Variants in FXYD5 observed in about 807,000 individuals in gnomAD.
The protein encoded by FXYD5 is FXYD domain-containing ion transport regulator 5.
Under a neutral mutation model 25.7 loss-of-function variants are expected in FXYD5, and 21 were observed. The observed-to-expected ratio is 0.82, with a 90% CI of 0.58 to 1.18. The LOEUF (loss-of-function observed/expected upper bound fraction) is 1.18. FXYD5 is among the 50% of genes most tolerant of loss of function. The pLI, the probability that FXYD5 is intolerant of heterozygous loss-of-function variation, is 0.00. For missense variants in FXYD5, 229 were observed against 227.7 expected (o/e 1.01, Z -0.04); for synonymous variants, 101 against 90.7 (o/e 1.11, Z -0.64).
intron 4 of FXYD5, chr19:35,159,795 T>A: frequency 1.1e-6 from 1 of 924,464 alleles, no homozygotes; most frequent in Non-Finnish European, 1.6e-6. Flanking sequence ...TGGTTCAAGG[T>A]CTCACAACAA....
At position 35,160,765 on chromosome 19, in the gene FXYD5, G is replaced by C. The variant is rs776790289; in HGVS notation, c.256G>C (p.Val86Leu). ...ACTGGAAGGAACGGATGGGCCTCTA[G>C]TGACAGATCCAGAGACACACAAGAG... The part of the protein sequence containing the change: ...QQLEGTDGPL[V>L]TDPETHKSTK... Residue 86 changes from valine (V) to leucine (L), a missense_variant, in exon 5 of 9, where the codon GTG becomes CTG. By Grantham distance (32) the Val-to-Leu change is conservative (BLOSUM62 1). Coordinates refer to ENST00000392219, the MANE Select transcript of FXYD5 (RefSeq NM_014164.6). 7 of 1,613,626 alleles carry C rather than the reference G, an allele frequency of 4.3e-6. No homozygotes were observed. Among genetic ancestry groups the C allele is most frequent in the South Asian group, 1.1e-5 (1 of 91,082 alleles).
intron 4 of FXYD5, chr19:35,159,565 G>A (rs774509846): frequency 1.9e-6 from 3 of 1,550,446 alleles, no homozygotes; most frequent in African/African-American, 2.7e-5. Context: ...TGAACATGTT[G>A]GCTGTTTCCA....
chr19:35,164,724 C>T (rs1182894224), intron 6 of FXYD5, among the ~76,000 whole-genome samples: 1 of 152,160 alleles, frequency 6.6e-6, no homozygotes, highest in African/African-American at 2.4e-5. Flanking sequence ...CCCATTCATC[C>T]ATTCATTCAA....
intron 1 of FXYD5, 52 bp from the exon 2 acceptor site, chr19:35,155,499 A>G (rs946317110): frequency 1.4e-6 from 2 of 1,444,172 alleles, no homozygotes; most frequent in Non-Finnish European, 1.9e-6. Flanking sequence ...GGGCTGCCGG[A>G]GGTCGGTCTC....
intron 5 of FXYD5, among the ~76,000 whole-genome samples, chr19:35,162,761 A>G (rs1041878812): frequency 2.0e-5 from 3 of 152,242 alleles, no homozygotes; most frequent in African/African-American, 4.8e-5. Context: ...TGGGATTTCA[A>G]AGGTCTCAGG....
chr19:35,155,999 A>C (rs976523836), intron 2 of FXYD5, among the ~76,000 whole-genome samples: 1 of 152,248 alleles, frequency 6.6e-6, no homozygotes. Flanking sequence ...GGGTTAGTCC[A>C]AAGAGTTGGC....
At position 35,164,241 on chromosome 19, in the gene FXYD5, A is replaced by T; in HGVS notation, c.378A>T (p.Pro126=). The T allele has an allele frequency of 6.2e-7, 1 of 1,610,844 alleles. No homozygotes were observed. The highest frequency in any genetic ancestry group is 8.5e-7 in the Non-Finnish European group (1 of 1,178,648). Residue 126 remains proline, a synonymous_variant, in exon 6 of 9, where the codon CCA becomes CCT. Transcript: ENST00000392219. Reference sequence around the variant, plus strand: ...AGACAGACCCCCAGACCCTCAAGCCATCTGGTTAGTAACTGCCTCCCCAGA... The same window carrying T: ...AGACAGACCCCCAGACCCTCAAGCCTTCTGGTTAGTAACTGCCTCCCCAGA... ...DVQTDPQTLK[P]SGFHEDDPFF...
At chr19:35,156,305 A>C (rs1293093533) in intron 2 of FXYD5, among the ~76,000 whole-genome samples, 1 of 152,228 alleles carries the variant, frequency 6.6e-6, no homozygotes, top group Non-Finnish European at 1.5e-5. Flanking sequence ...TCTCCTTCAT[A>C]AAATGATTTT....
At chr19:35,163,813 G>A (rs989901898) in intron 5 of FXYD5, among the ~76,000 whole-genome samples, 5 of 152,128 alleles carry the variant, frequency 3.3e-5, no homozygotes, top group Non-Finnish European at 7.4e-5. Flanking sequence ...AGTTTCTCCA[G>A]ACTATGTAGC....
chr19:35,162,266 T>G (rs1479398662), intron 5 of FXYD5, among the ~76,000 whole-genome samples: 3 of 152,206 alleles, frequency 2.0e-5, no homozygotes, highest in East Asian at 1.9e-4. Flanking sequence ...CTCTTCCTCC[T>G]CTATCTTTGC....
At chr19:35,167,001 C>T (rs2065456692) in intron 8 of FXYD5, among the ~76,000 whole-genome samples, 1 of 152,156 alleles carries the variant, frequency 6.6e-6, no homozygotes, top group Admixed American at 6.6e-5. Context: ...GATTAAATGC[C>T]TCATGGAACA....
chr19:35,155,278 C>A (rs1033806603), intron 1 of FXYD5: 1 of 540,124 alleles, frequency 1.9e-6, no homozygotes. Context: ...TTCAGGAGTG[C>A]CCGCCGGCCC....
chr19:35,159,630 G>A, intron 4 of FXYD5: 1 of 1,549,782 alleles, frequency 6.5e-7, no homozygotes, highest in African/African-American at 1.4e-5. Context: ...CTTCCTCCTT[G>A]AGCAAACGCA....
chr19:35,162,481 G>A (rs138632883), intron 5 of FXYD5, among the ~76,000 whole-genome samples: 7 of 152,268 alleles, frequency 4.6e-5, no homozygotes, highest in South Asian at 2.1e-4. Context: ...GGTGTCTGTC[G>A]AGGGCTCCCC....
At chr19:35,159,670 C>T (rs1011070980) in intron 4 of FXYD5, 1 of 1,533,464 alleles carries the variant, frequency 6.5e-7, no homozygotes. Flanking sequence ...ATGTGCTGGT[C>T]ATGGTTCTAA....
intron 1 of FXYD5, chr19:35,155,263 T>C: frequency 2.0e-6 from 1 of 510,852 alleles, no homozygotes; most frequent in Non-Finnish European, 3.5e-6. Flanking sequence ...GAGGTGTTTC[T>C]CTGCTTCAGG....
Position 35,169,590 on chromosome 19 carries a change from G to C in FXYD5, c.512G>C (p.Arg171Pro). Residue 171 changes from arginine (R) to proline (P), a missense_variant, in exon 9 of 9, where the codon CGG (arginine) becomes CCG (proline). Physicochemically the swap from Arg to Pro is moderately radical, Grantham distance 103. Coordinates refer to ENST00000392219, the MANE Select transcript of FXYD5 (RefSeq NM_014164.6). The part of the protein sequence containing the change: ...LTSGKCRQLS[R>P]LCRNRCR ...GGTGGCAAGTGCAGGCAGCTGTCCCGGTTATGCCGGAATCGTTGCAGGTGA... is the reference window on the plus strand; with the variant it reads ...GGTGGCAAGTGCAGGCAGCTGTCCCCGTTATGCCGGAATCGTTGCAGGTGA... 2.0e-5 allele frequency: 32 copies of C among 1,611,682 alleles called. No individual in the cohort carries two copies. Among genetic ancestry groups the C allele is most frequent in the Non-Finnish European group, 2.6e-5 (31 of 1,177,802 alleles).
intron 4 of FXYD5, among the ~76,000 whole-genome samples, chr19:35,158,820 G>T (rs965538296): frequency 6.6e-6 from 1 of 151,766 alleles, no homozygotes; most frequent in South Asian, 2.1e-4. Context: ...ACGTTTTCTT[G>T]AAGTATAATT....
chr19:35,164,760 C>G (rs2065436470), intron 6 of FXYD5, among the ~76,000 whole-genome samples: 2 of 152,158 alleles, frequency 1.3e-5, no homozygotes, highest in Non-Finnish European at 2.9e-5. Flanking sequence ...TACTTGTGTG[C>G]TAGGCTAGTT....
Sources: allele counts gnomAD v4.1 joint callset (sites outside exome capture counted in the v4.1 genomes callset), GRCh38; gene constraint gnomAD v4.1.1; transcripts MANE v1.5; gene names NCBI Gene and HGNC (gene_info 2026-07-23, HGNC 2026-07-21).